GLRB: variants seen among roughly 807,000 people sequenced by gnomAD.
GLRB encodes the protein glycine receptor subunit beta.
GLRB carries 33 observed loss-of-function variants against 54.2 expected under a neutral mutation model. The observed-to-expected ratio is 0.61, with a 90% confidence interval of 0.46 to 0.81. The LOEUF (loss-of-function observed/expected upper bound fraction) is 0.81. Among genes scored for constraint, GLRB ranks in the 40% least tolerant of loss-of-function variants. The pLI is 0.00. For missense variants in GLRB, 572 were observed against 584.6 expected (o/e 0.98, Z 0.22); for synonymous variants, 209 against 208.2 (o/e 1.00, Z -0.03).
intron 3 of GLRB, among the ~76,000 whole-genome samples, chr4:157,122,121 C>T (rs979878333): frequency 1.4e-5 from 2 of 147,380 alleles, no homozygotes; most frequent in Non-Finnish European, 3.0e-5. Context: ...AAAATATAAT[C>T]GAACTCATTG....
chr4:157,139,826 A>G (rs533101204), intron 7 of GLRB, among the ~76,000 whole-genome samples: 2 of 152,132 alleles, frequency 1.3e-5, no homozygotes, highest in African/African-American at 4.8e-5. Flanking sequence ...ATGCATGTTG[A>G]CTTGAAATAA....
chr4:157,169,415 A>G (rs964305750), intron 9 of GLRB, among the ~76,000 whole-genome samples: 2 of 152,134 alleles, frequency 1.3e-5, no homozygotes, highest in African/African-American at 4.8e-5. Flanking sequence ...CATTTTGATT[A>G]CTAGAGAGAG....
At chr4:157,107,206 A>G (rs2126497365) in intron 2 of GLRB, among the ~76,000 whole-genome samples, 1 of 152,168 alleles carries the variant, frequency 6.6e-6, no homozygotes, top group African/African-American at 2.4e-5. Context: ...GCTCTGAGAT[A>G]CAACAACATT....
chr4:157,119,400 T>G (rs573987431), intron 2 of GLRB, among the ~76,000 whole-genome samples: 9 of 151,760 alleles, frequency 5.9e-5, no homozygotes, highest in Non-Finnish European at 3.0e-5. Flanking sequence ...GTTTTTGTGT[T>G]GGCAGGCTAA....
intron 2 of GLRB, among the ~76,000 whole-genome samples, chr4:157,093,530 A>G (rs1734692362): frequency 6.6e-6 from 1 of 152,036 alleles, no homozygotes; most frequent in South Asian, 2.1e-4. Flanking sequence ...CACGAGATCA[A>G]GAGATCACGA....
chr4:157,109,390 C>A (rs1226542436), intron 2 of GLRB, among the ~76,000 whole-genome samples: 1 of 151,756 alleles, frequency 6.6e-6, no homozygotes, highest in Non-Finnish European at 1.5e-5. Context: ...TTTACTTCTT[C>A]TGTAATTCCC....
intron 2 of GLRB, among the ~76,000 whole-genome samples, chr4:157,093,941 A>T (rs936689681): frequency 5.9e-5 from 9 of 152,062 alleles, no homozygotes; most frequent in Admixed American, 5.2e-4. Context: ...TTAACTGATC[A>T]AAGATTATAA....
intron 2 of GLRB, among the ~76,000 whole-genome samples, chr4:157,087,153 T>C (rs1056615260): frequency 1.3e-4 from 20 of 152,190 alleles, no homozygotes; most frequent in African/African-American, 4.8e-4. Flanking sequence ...GCTGATGATA[T>C]AGACAAATCC....
In GLRB at chr4:157,106,968, C is replaced by T. The variant is rs573993959; in HGVS notation, c.123-13588C>T. Among the ~76,000 whole-genome samples, 23 of 152,012 alleles carry T rather than the reference C, an allele frequency of 1.5e-4. No homozygotes were observed. The South Asian group carries it at 2.5e-3, about 17-fold the overall frequency. ...CATTTTTCCAACAGCTTGTGTTCCC[C>T]GTGTGTCTCTGTGTCATGTTTTGGT... On this transcript the variant is annotated intron_variant, in intron 2 of 9. Coordinates refer to ENST00000264428, the MANE Select transcript of GLRB (RefSeq NM_000824.5).
At chr4:157,095,305 C>CAAA (rs59570434) in intron 2 of GLRB, among the ~76,000 whole-genome samples, 7 of 79,190 alleles carry the variant, frequency 8.8e-5, no homozygotes, top group Admixed American at 2.7e-4. Flanking sequence ...TGTGCCTGAG[C>CAAA]AAAAAAAAAA....
At chr4:157,157,575 G>A (rs1224788311) in intron 9 of GLRB, among the ~76,000 whole-genome samples, 2 of 152,058 alleles carry the variant, frequency 1.3e-5, no homozygotes, top group Non-Finnish European at 2.9e-5. Flanking sequence ...CCACCTATGA[G>A]TGAGAACATG....
chr4:157,132,825 T>C (rs1190381801), intron 4 of GLRB, among the ~76,000 whole-genome samples: 1 of 151,974 alleles, frequency 6.6e-6, no homozygotes, highest in Non-Finnish European at 1.5e-5. Flanking sequence ...CTTTAATCAC[T>C]GAATTTAATC....
chr4:157,128,604 G>T (rs985909882), intron 4 of GLRB, among the ~76,000 whole-genome samples: 4 of 151,760 alleles, frequency 2.6e-5, no homozygotes, highest in Admixed American at 1.3e-4. Context: ...GGGGTTTCCA[G>T]CCTAGTGTGG....
At chr4:157,120,531 A>C in intron 2 of GLRB, 25 bp from the exon 3 acceptor site, 2 of 1,263,984 alleles carry the variant, frequency 1.6e-6, no homozygotes, top group East Asian at 2.4e-5. Flanking sequence ...ATAACTACTT[A>C]TCAGGATTTT....
intron 2 of GLRB, among the ~76,000 whole-genome samples, chr4:157,087,599 T>C (rs184388658): frequency 4.5e-4 from 69 of 152,206 alleles, no homozygotes; most frequent in African/African-American, 1.5e-3. Context: ...GGAAAAAGAA[T>C]ACACAAAATT....
chr4:157,076,986 G>GGA lies in GLRB; in HGVS notation c.-30+689_-30+690insGA, dbSNP rs1465480631. 6.2e-4 allele frequency among the ~76,000 whole-genome samples: 58 copies of GGA among 94,212 alleles called. 1 individual carries two copies. Among genetic ancestry groups the GGA allele is most frequent in the African/African-American group, 2.3e-3 (54 of 23,552 alleles). The allele number at this position is 94,212 out of a possible 152,430, so 61.8% of individuals were successfully genotyped here. On this transcript the variant is annotated intron_variant, in intron 1 of 9. Coordinates refer to ENST00000264428, the MANE Select transcript of GLRB (RefSeq NM_000824.5). ...GGGAAGAATCCTGGGGGGGGGGGGGGAAGATGAAAAACATGACATAAGGAG... is the reference window on the plus strand; with the variant it reads ...GGGAAGAATCCTGGGGGGGGGGGGGGGAAAGATGAAAAACATGACATAAGGAG...
intron 2 of GLRB, chr4:157,084,557 G>A (rs1474186181): frequency 4.4e-6 from 2 of 455,470 alleles, no homozygotes; most frequent in African/African-American, 2.0e-5. Flanking sequence ...CGTTCTGTGT[G>A]TGTGTTGAGA....
At chr4:157,169,037 G>A (rs1017047210) in intron 9 of GLRB, among the ~76,000 whole-genome samples, 1 of 151,946 alleles carries the variant, frequency 6.6e-6, no homozygotes, top group Non-Finnish European at 1.5e-5. Flanking sequence ...TAGTCTCCTG[G>A]TACCTAAAGT....
intron 4 of GLRB, among the ~76,000 whole-genome samples, chr4:157,123,126 T>A (rs1735894028): frequency 6.6e-6 from 1 of 151,800 alleles, no homozygotes; most frequent in African/African-American, 2.4e-5. Context: ...TACTAAGGTT[T>A]TAGAATATTA....
Sources: allele counts gnomAD v4.1 joint callset (sites outside exome capture counted in the v4.1 genomes callset), GRCh38; gene constraint gnomAD v4.1.1; transcripts MANE v1.5; gene names NCBI Gene and HGNC (gene_info 2026-07-23, HGNC 2026-07-21).